SNAP23: variants seen among roughly 807,000 people sequenced by gnomAD.
The protein encoded by SNAP23 is synaptosomal-associated protein 23.
Under a neutral mutation model 29.0 loss-of-function variants are expected in SNAP23, and 11 were observed. That is an observed-to-expected ratio of 0.38 (90% CI 0.24 to 0.63). SNAP23 has a LOEUF of 0.63. Among genes scored for constraint, SNAP23 ranks in the 20% least tolerant of loss-of-function variants. The pLI, the probability that SNAP23 is intolerant of heterozygous loss-of-function variation, is 0.58. For missense variants in SNAP23, 220 were observed against 253.9 expected (o/e 0.87, Z 0.91); for synonymous variants, 60 against 82.9 (o/e 0.72, Z 1.50).
intron 5 of SNAP23, among the ~76,000 whole-genome samples, chr15:42,526,486 C>A (rs1209937502): frequency 6.6e-6 from 1 of 152,154 alleles, no homozygotes; most frequent in Non-Finnish European, 1.5e-5. Context: ...AGTATCCTTT[C>A]TGTAATGTTA....
chr15:42,508,072 C>T (rs1483219217), intron 1 of SNAP23, among the ~76,000 whole-genome samples: 2 of 151,788 alleles, frequency 1.3e-5, no homozygotes, highest in South Asian at 4.2e-4. Context: ...TGAGACCAGC[C>T]TGGATAACAT....
At chr15:42,502,643 CT>C (rs968981699) in intron 1 of SNAP23, among the ~76,000 whole-genome samples, 1 of 152,238 alleles carries the variant, frequency 6.6e-6, no homozygotes, top group African/African-American at 2.4e-5. Context: ...TCACCCCGTA[CT>C]TGGTATCTCC....
chr15:42,516,039 T>G (rs2057394027), intron 5 of SNAP23, among the ~76,000 whole-genome samples: 1 of 152,122 alleles, frequency 6.6e-6, no homozygotes, highest in South Asian at 2.1e-4. Context: ...AGATGAGAAG[T>G]GGAAAGTAAG....
At chr15:42,498,158 T>A (rs1407618401) in intron 1 of SNAP23, among the ~76,000 whole-genome samples, 1 of 152,046 alleles carries the variant, frequency 6.6e-6, no homozygotes, top group Admixed American at 6.6e-5. Flanking sequence ...CATTCTGGAG[T>A]CTGGAGAATG....
intron 5 of SNAP23, chr15:42,528,030 G>A: frequency 2.3e-6 from 1 of 429,324 alleles, no homozygotes; most frequent in Non-Finnish European, 4.2e-6. Context: ...AGATTTGGTA[G>A]AAGTAGTATT....
At chr15:42,520,539 G>T (rs1445979448) in intron 5 of SNAP23, among the ~76,000 whole-genome samples, 1 of 151,888 alleles carries the variant, frequency 6.6e-6, no homozygotes, top group Non-Finnish European at 1.5e-5. Context: ...CTGTTGCCCA[G>T]GCTGGAGTGC....
chr15:42,513,256 G>GT, intron 3 of SNAP23, 143 bp from the exon 4 acceptor site: 3 of 816,676 alleles, frequency 3.7e-6, no homozygotes, highest in Middle Eastern at 4.4e-4. Flanking sequence ...AAGTGTGTTA[G>GT]TTTAAGAATA....
intron 5 of SNAP23, among the ~76,000 whole-genome samples, chr15:42,522,842 CTTTTT>C (rs5812226): frequency 1.4e-4 from 13 of 91,052 alleles, no homozygotes; most frequent in African/African-American, 6.0e-4. Context: ...TAAAACTTGC[CTTTTT>C]TTTTTTTTTT....
intron 4 of SNAP23, among the ~76,000 whole-genome samples, chr15:42,514,005 G>A (rs1474724979): frequency 5.2e-5 from 2 of 38,326 alleles, no homozygotes; most frequent in Non-Finnish European, 4.8e-4. Flanking sequence ...AGTAGAGACG[G>A]GGTTTTACCA....
At chr15:42,515,505 G>C in intron 5 of SNAP23, 151 bp downstream of exon 5, 1 of 578,646 alleles carries the variant, frequency 1.7e-6, no homozygotes, top group South Asian at 2.3e-5. Context: ...TAAGCTTTTT[G>C]TGTAAATACT....
chr15:42,500,433 A>G (rs1266366964), intron 1 of SNAP23, among the ~76,000 whole-genome samples: 1 of 149,720 alleles, frequency 6.7e-6, no homozygotes, highest in African/African-American at 2.5e-5. Context: ...TTGTTGCCCA[A>G]GCTGGAGTGC....
upstream of SNAP23, among the ~76,000 whole-genome samples, chr15:42,492,232 TA>T (rs2057173347): frequency 6.6e-6 from 1 of 152,146 alleles, no homozygotes; most frequent in Non-Finnish European, 1.5e-5. Context: ...TTATTAAACT[TA>T]GCCCATACCC....
chr15:42,520,568 C>T (rs1357298609), intron 5 of SNAP23, among the ~76,000 whole-genome samples: 3 of 152,076 alleles, frequency 2.0e-5, no homozygotes, highest in South Asian at 2.1e-4. Context: ...GATCTCGGCT[C>T]ACTGCAAGCT....
intron 1 of SNAP23, among the ~76,000 whole-genome samples, chr15:42,504,000 A>G (rs1174256770): frequency 6.6e-6 from 1 of 152,092 alleles, no homozygotes; most frequent in African/African-American, 2.4e-5. Flanking sequence ...AGGAAAGCCC[A>G]GAGAGGAAGT....
intron 4 of SNAP23, among the ~76,000 whole-genome samples, chr15:42,514,062 G>T (rs993176211): frequency 6.6e-6 from 1 of 151,600 alleles, no homozygotes; most frequent in Non-Finnish European, 1.5e-5. Context: ...TGATCCACCC[G>T]CCTTGACCTC....
At chr15:42,516,406 T>G (rs1235663710) in intron 5 of SNAP23, among the ~76,000 whole-genome samples, 1 of 152,188 alleles carries the variant, frequency 6.6e-6, no homozygotes, top group Non-Finnish European at 1.5e-5. Flanking sequence ...CTCAGCTCAC[T>G]GCAACCTCCG....
chr15:42,521,080 C>A (rs929465842), intron 5 of SNAP23, among the ~76,000 whole-genome samples: 1 of 152,186 alleles, frequency 6.6e-6, no homozygotes, highest in Non-Finnish European at 1.5e-5. Context: ...ATACCTCTGG[C>A]CCTGCCTGTT....
rs765473822 is a variant in SNAP23 at position 42,511,855 on chromosome 15, T to C, written c.9T>C (p.Asn3=). 6.3e-7 allele frequency: 1 copy of C among 1,594,288 alleles called. No homozygotes were observed. Among genetic ancestry groups the C allele is most frequent in the Non-Finnish European group, 8.6e-7 (1 of 1,168,792 alleles). The part of the protein sequence containing the change: MD[N]LSSEEIQQRA... ...TAGAGTTTTGATTCATCATGGATAA[T>C]CTGTCATCAGAAGAAATTCAACAGA... Residue 3 remains asparagine (N), a synonymous_variant, in exon 2 of 8, where the codon AAT becomes AAC. Coordinates refer to ENST00000249647, the MANE Select transcript of SNAP23 (RefSeq NM_003825.4).
intron 5 of SNAP23, among the ~76,000 whole-genome samples, chr15:42,524,018 A>G (rs1474114414): frequency 6.6e-6 from 1 of 151,572 alleles, no homozygotes; most frequent in Admixed American, 6.6e-5. Context: ...GGGTTTCACC[A>G]TCTTGGCCAG....
Sources: allele counts gnomAD v4.1 joint callset (sites outside exome capture counted in the v4.1 genomes callset), GRCh38; gene constraint gnomAD v4.1.1; transcripts MANE v1.5; gene names NCBI Gene and HGNC (gene_info 2026-07-23, HGNC 2026-07-21).